PTPRD: variants seen among roughly 807,000 people sequenced by gnomAD.
The protein encoded by PTPRD is receptor-type tyrosine-protein phosphatase delta.
In PTPRD, 34 loss-of-function variants were observed where a neutral mutation model predicts 214.5. The observed-to-expected ratio is 0.16, with a 90% CI of 0.12 to 0.21. The LOEUF (loss-of-function observed/expected upper bound fraction) is 0.21. Among genes scored for constraint, PTPRD ranks in the 10% least tolerant of loss-of-function variants. The pLI is 1.00. For synonymous variants in PTPRD, 1,128 were observed against 845.7 expected, an observed-to-expected ratio of 1.33 and a Z score of -5.79; for missense variants, 2,545 against 2,398.7, an observed-to-expected ratio of 1.06 and a Z score of -1.27.
intron 5 of PTPRD, among the ~76,000 whole-genome samples, chr9:9,880,713 C>T (rs1229028109): frequency 3.3e-5 from 5 of 152,026 alleles, no homozygotes; most frequent in Non-Finnish European, 7.4e-5. Flanking sequence ...TTTTTTGTAA[C>T]TATAGTAAAA....
chr9:9,769,783 C>T (rs935758056), intron 5 of PTPRD, among the ~76,000 whole-genome samples: 17 of 152,060 alleles, frequency 1.1e-4, no homozygotes, highest in African/African-American at 3.1e-4. Context: ...CAACAGGCCC[C>T]GGTGTGTGAT....
intron 2 of PTPRD, among the ~76,000 whole-genome samples, chr9:10,480,202 C>A (rs940236972): frequency 6.6e-6 from 1 of 152,146 alleles, no homozygotes; most frequent in Non-Finnish European, 1.5e-5. Flanking sequence ...TATTCTCGGC[C>A]CAACTTGGTT....
At chr9:8,601,830 T>C (rs1345523071) in intron 14 of PTPRD, among the ~76,000 whole-genome samples, 3 of 152,160 alleles carry the variant, frequency 2.0e-5, no homozygotes, top group East Asian at 1.9e-4. Flanking sequence ...AAACCATACA[T>C]TTATTAATTT....
At chr9:9,995,608 T>C (rs763789599) in intron 4 of PTPRD, among the ~76,000 whole-genome samples, 1 of 152,144 alleles carries the variant, frequency 6.6e-6, no homozygotes, top group Non-Finnish European at 1.5e-5. Flanking sequence ...CTAAACCTCC[T>C]GGTTCAAGGA....
At chr9:9,181,575 T>C (rs761616852) in intron 10 of PTPRD, among the ~76,000 whole-genome samples, 1 of 152,036 alleles carries the variant, frequency 6.6e-6, no homozygotes, top group Non-Finnish European at 1.5e-5. Flanking sequence ...TGAACTCATT[T>C]AATCTTCACT....
chr9:8,744,578 A>G (rs1463897554), intron 11 of PTPRD, among the ~76,000 whole-genome samples: 4 of 152,212 alleles, frequency 2.6e-5, no homozygotes, highest in African/African-American at 7.2e-5. Flanking sequence ...GTTCTCCCTC[A>G]TAAGGAGGAG....
At chr9:8,877,612 T>A (rs1271963202) in intron 11 of PTPRD, among the ~76,000 whole-genome samples, 1 of 152,262 alleles carries the variant, frequency 6.6e-6, no homozygotes, top group Non-Finnish European at 1.5e-5. Flanking sequence ...TATTTGCTTC[T>A]ATTTACAAAA....
At chr9:9,288,410 T>C (rs1031453222) in intron 9 of PTPRD, among the ~76,000 whole-genome samples, 1 of 151,882 alleles carries the variant, frequency 6.6e-6, no homozygotes, top group Non-Finnish European at 1.5e-5. Context: ...AGACTTATCC[T>C]TTACAACTAC....
At chr9:10,352,330 T>C (rs947030905) in intron 2 of PTPRD, among the ~76,000 whole-genome samples, 1 of 152,046 alleles carries the variant, frequency 6.6e-6, no homozygotes, top group Admixed American at 6.6e-5. Flanking sequence ...CTTGACTCAA[T>C]ATTAGTACAT....
chr9:8,472,452 T>C (rs978873544), intron 30 of PTPRD, among the ~76,000 whole-genome samples: 4 of 152,102 alleles, frequency 2.6e-5, no homozygotes, highest in African/African-American at 9.7e-5. Flanking sequence ...AAACCTGTAA[T>C]AAACTCAGTA....
At chr9:9,722,801 T>A (rs1564774345) in intron 7 of PTPRD, among the ~76,000 whole-genome samples, 1 of 152,090 alleles carries the variant, frequency 6.6e-6, no homozygotes, top group Non-Finnish European at 1.5e-5. Context: ...TTTGCCTTTC[T>A]TTGTTAACTA....
At chr9:10,048,747 C>G (rs77524237) in intron 3 of PTPRD, among the ~76,000 whole-genome samples, 2,272 of 152,102 alleles carry the variant, frequency 0.015, 40 homozygotes, top group Non-Finnish European at 0.023. Flanking sequence ...AGAAAACTAA[C>G]GTTGACCATC....
At position 9,968,130 on chromosome 9, in the gene PTPRD, T is replaced by C. The variant is rs563312273; in HGVS notation, c.-471-29520A>G. On this transcript the variant is annotated intron_variant, in intron 4 of 45. Transcript: ENST00000381196. The stretch of plus-strand genomic sequence containing the variant: ...CCTATTTTAGAATATTAAAAATTTA[T>C]CACATTTTAAAGGGAACCTATTATT... 1.6e-3 allele frequency among the ~76,000 whole-genome samples: 237 copies of C among 152,286 alleles called. 1 individual carries two copies. The highest frequency in any genetic ancestry group is 4.5e-3 in the African/African-American group (188 of 41,578).
At chr9:9,181,728 C>T (rs2099928351) in intron 10 of PTPRD, among the ~76,000 whole-genome samples, 1 of 151,942 alleles carries the variant, frequency 6.6e-6, no homozygotes, top group Non-Finnish European at 1.5e-5. Context: ...ATGAAATTTG[C>T]TCCTTATAAT....
chr9:9,657,090 A>G (rs2154377163), intron 7 of PTPRD, among the ~76,000 whole-genome samples: 1 of 152,290 alleles, frequency 6.6e-6, no homozygotes, highest in African/African-American at 2.4e-5. Context: ...CCTAGCAGAG[A>G]GTCTCACACA....
intron 8 of PTPRD, among the ~76,000 whole-genome samples, chr9:9,472,161 G>A (rs887118672): frequency 2.0e-5 from 3 of 148,698 alleles, no homozygotes; most frequent in African/African-American, 7.4e-5. Context: ...AATAATACAT[G>A]AGCATGATAA....
At chr9:10,309,416 A>G (rs2154416028) in intron 3 of PTPRD, among the ~76,000 whole-genome samples, 1 of 151,896 alleles carries the variant, frequency 6.6e-6, no homozygotes, top group East Asian at 1.9e-4. Context: ...GTAATGGCAC[A>G]ATCTCGACTC....
chr9:10,289,429 A>C (rs2095465189), intron 3 of PTPRD, among the ~76,000 whole-genome samples: 1 of 152,166 alleles, frequency 6.6e-6, no homozygotes, highest in Non-Finnish European at 1.5e-5. Context: ...GCTTAGGTTG[A>C]TGTGACTGCC....
At chr9:10,356,590 T>C (rs1409860357) in intron 2 of PTPRD, among the ~76,000 whole-genome samples, 1 of 152,190 alleles carries the variant, frequency 6.6e-6, no homozygotes. Flanking sequence ...ATGAACATAA[T>C]GCGTTTTTAC....
Sources: gnomAD v4.1 joint callset for allele counts (sites outside exome capture counted in the v4.1 genomes callset) on GRCh38, gnomAD v4.1.1 for gene constraint, MANE v1.5 for transcripts, NCBI Gene and HGNC (gene_info 2026-07-23, HGNC 2026-07-21) for gene names.